CUX1: variants seen among roughly 807,000 people sequenced by gnomAD.
CUX1 encodes cut like homeobox 1.
In CUX1, 31 loss-of-function variants were observed where a neutral mutation model predicts 158.8. The observed-to-expected ratio is 0.20, with a 90% CI of 0.15 to 0.26. The LOEUF (loss-of-function observed/expected upper bound fraction) is 0.26. Ranked by LOEUF, CUX1 falls within the 10% of genes least tolerant of loss-of-function variation. CUX1 has a pLI of 1.00. For synonymous variants in CUX1, 879 were observed against 862.1 expected, an observed-to-expected ratio of 1.02 and a Z score of -0.34; for missense variants, 1,589 against 2,014.6, an observed-to-expected ratio of 0.79 and a Z score of 4.04.
At chr7:102,152,775 C>T (rs1308662414) in intron 8 of CUX1, among the ~76,000 whole-genome samples, 1 of 152,168 alleles carries the variant, frequency 6.6e-6, no homozygotes, top group Non-Finnish European at 1.5e-5. Context: ...GTTTCTGGTC[C>T]CTTCTGTGAA....
At chr7:102,013,542 C>T (rs1818273399) in intron 2 of CUX1, among the ~76,000 whole-genome samples, 1 of 152,156 alleles carries the variant, frequency 6.6e-6, no homozygotes, top group Non-Finnish European at 1.5e-5. Context: ...CAAAAGTATT[C>T]AAAAGGCAGT....
chr7:102,099,485 T>TTC (rs1204302283), intron 5 of CUX1, among the ~76,000 whole-genome samples: 1 of 149,306 alleles, frequency 6.7e-6, no homozygotes, highest in African/African-American at 2.5e-5. Flanking sequence ...GTTTTTTTTT[T>TTC]TTTTCCCCTT....
rs113401307 is a variant in CUX1, at chr7:102,253,443, G to A, written c.*4401G>A. The A allele has an allele frequency of 2.0e-5, 20 of 985,478 alleles. No individual in the cohort carries two copies. The highest frequency in any genetic ancestry group is 1.8e-4 in the Admixed American group (3 of 16,282). 61.0% of individuals were successfully genotyped at this position (985,478 alleles called of 1,614,324 possible). A position where few individuals can be genotyped will look rare whatever the true frequency, so the allele number is the denominator to read the frequency against. ...GGAGTCCCCAGGTGAGCTCTCTGAC[G>A]GGCAGGTGCCTTCCCGACTAAGGTT... On this transcript the variant is annotated 3_prime_UTR_variant, in exon 24 of 24. Coordinates refer to ENST00000292535, the MANE Select transcript of CUX1 (RefSeq NM_181552.4).
At position 102,254,437 on chromosome 7, in the gene CUX1, C is replaced by G; in HGVS notation, c.*5395C>G. ...GAAAAGGATAGATGGCTTCCTCCAG[C>G]CTACACGCCCCGTCCACAGTGGCAT... On this transcript the variant is annotated 3_prime_UTR_variant, in exon 24 of 24. Transcript: ENST00000292535. 5 of 985,412 alleles carry G rather than the reference C, an allele frequency of 5.1e-6. No individual in the cohort carries two copies. Among genetic ancestry groups the G allele is most frequent in the Non-Finnish European group, 6.0e-6 (5 of 829,954 alleles). 61.0% of individuals were successfully genotyped at this position (985,412 alleles called of 1,614,324 possible).
At chr7:102,192,136 C>G (rs1295821983) in intron 12 of CUX1, among the ~76,000 whole-genome samples, 1 of 152,204 alleles carries the variant, frequency 6.6e-6, no homozygotes, top group Non-Finnish European at 1.5e-5. Flanking sequence ...GCGTCCCCTT[C>G]TCAGCATCGT....
chr7:102,207,357 C>T (rs1406325355), intron 20 of CUX1, among the ~76,000 whole-genome samples: 1 of 152,040 alleles, frequency 6.6e-6, no homozygotes, highest in Non-Finnish European at 1.5e-5. Flanking sequence ...AATCACTTAC[C>T]CAAAATCTTG....
chr7:102,064,043 G>A (rs987806461), intron 3 of CUX1, among the ~76,000 whole-genome samples: 1 of 152,222 alleles, frequency 6.6e-6, no homozygotes, highest in African/African-American at 2.4e-5. Flanking sequence ...TTGCTCATGT[G>A]TTCTGGGAAC....
At chr7:101,997,728 A>G (rs1240629294) in intron 2 of CUX1, among the ~76,000 whole-genome samples, 1 of 152,182 alleles carries the variant, frequency 6.6e-6, no homozygotes, top group East Asian at 1.9e-4. Context: ...TGCCCATTGT[A>G]CAGATGGCAG....
chr7:101,893,887 C>A lies in CUX1; in HGVS notation c.31-22228C>A, dbSNP rs181528234. On this transcript the variant is annotated intron_variant, in intron 1 of 23. Transcript: ENST00000292535. ...TCTGTCTAGGGAAAGGTGATTTATACGGCATTAAAACACTTTTTATGTCCC... is the reference window on the plus strand; with the variant it reads ...TCTGTCTAGGGAAAGGTGATTTATAAGGCATTAAAACACTTTTTATGTCCC... Among the ~76,000 whole-genome samples the A allele has an allele frequency of 3.3e-5, 5 of 152,142 alleles. No individual in the cohort carries two copies. The East Asian group carries it at 5.8e-4, about 18-fold the overall frequency.
At chr7:102,066,200 T>G (rs1825528951) in intron 3 of CUX1, among the ~76,000 whole-genome samples, 1 of 151,818 alleles carries the variant, frequency 6.6e-6, no homozygotes, top group Admixed American at 6.6e-5. Flanking sequence ...CTGGTCATCT[T>G]CTTCTTTGTA....
At chr7:101,859,252 G>A (rs1248511805) in intron 1 of CUX1, among the ~76,000 whole-genome samples, 1 of 152,116 alleles carries the variant, frequency 6.6e-6, no homozygotes, top group East Asian at 1.9e-4. Context: ...GGGGAGAGGC[G>A]GCTTATGATT....
At chr7:102,067,179 T>C (rs1456561287) in intron 3 of CUX1, among the ~76,000 whole-genome samples, 2 of 149,290 alleles carry the variant, frequency 1.3e-5, no homozygotes, top group East Asian at 2.0e-4. Context: ...CCACTCTTAA[T>C]GTATAATACA....
chr7:102,214,303 C>A (rs1051418530), intron 20 of CUX1, among the ~76,000 whole-genome samples: 1 of 152,088 alleles, frequency 6.6e-6, no homozygotes, highest in Non-Finnish European at 1.5e-5. Context: ...ACTCAAGGAT[C>A]GCTTGAGTCC....
At position 102,075,976 on chromosome 7, in the gene CUX1, G is replaced by A. The variant is rs533305867; in HGVS notation, c.268+5559G>A. On this transcript the variant is annotated intron_variant, in intron 4 of 23. Transcript: ENST00000292535. The stretch of plus-strand genomic sequence containing the variant: ...GCCCCAAGCCCAGCACACAGGGTAG[G>A]ATCTCCCTCCACCCCAGCTTATCCC... Among the ~76,000 whole-genome samples the A allele has an allele frequency of 6.3e-4, 96 of 152,152 alleles. 2 individuals carry two copies. Among genetic ancestry groups the A allele is most frequent in the South Asian group, 4.1e-4 (2 of 4,820 alleles).
At chr7:102,160,061 A>G (rs1335239038) in intron 9 of CUX1, among the ~76,000 whole-genome samples, 1 of 151,930 alleles carries the variant, frequency 6.6e-6, no homozygotes, top group African/African-American at 2.4e-5. Flanking sequence ...TGCACCTGTC[A>G]TCCCAGCTGT....
chr7:101,922,239 T>G, intron 2 of CUX1, among the ~76,000 whole-genome samples: 1 of 152,236 alleles, frequency 6.6e-6, no homozygotes, highest in East Asian at 1.9e-4. Context: ...TTAAAAAGTT[T>G]CTTATCTTTC....
chr7:101,932,437 G>A (rs1345707203), intron 2 of CUX1: 1 of 387,810 alleles, frequency 2.6e-6, no homozygotes, highest in Non-Finnish European at 5.2e-6. Flanking sequence ...GCGCAGAGAT[G>A]TTCTTTTGCA....
rs1198122974 is a variant in CUX1, at chr7:102,253,162, C to G, written c.*4120C>G. On this transcript the variant is annotated 3_prime_UTR_variant, in exon 24 of 24. Transcript: ENST00000292535. ...TCTTCCCATTGAAAAACCATCCTGT[C>G]TGATGTGGACGTTCAGGTCTGCTGG... is the stretch of plus-strand genomic sequence containing the variant. 2 of 985,560 alleles carry G rather than the reference C, an allele frequency of 2.0e-6. No individual in the cohort carries two copies. The highest frequency in any genetic ancestry group is 3.5e-5 in the African/African-American group (2 of 57,374). The allele number at this position is 985,560 out of a possible 1,614,324, so 61.1% of individuals were successfully genotyped here.
intron 20 of CUX1, among the ~76,000 whole-genome samples, chr7:102,210,923 G>A (rs1166479375): frequency 6.6e-6 from 1 of 152,176 alleles, no homozygotes; most frequent in Non-Finnish European, 1.5e-5. Flanking sequence ...ATGTGCATGC[G>A]TATCATGGTC....
Sources: allele counts gnomAD v4.1 joint callset (sites outside exome capture counted in the v4.1 genomes callset), GRCh38; gene constraint gnomAD v4.1.1; transcripts MANE v1.5; gene names NCBI Gene and HGNC (gene_info 2026-07-23, HGNC 2026-07-21).